IGSF3: variants seen among roughly 807,000 people sequenced by gnomAD.
IGSF3 encodes immunoglobulin superfamily member 3, also known as glu-Trp-Ile EWI motif-containing protein 3.
IGSF3 carries 23 observed loss-of-function variants against 114.4 expected under a neutral mutation model. The observed-to-expected ratio is 0.20, with a 90% CI of 0.14 to 0.28. The LOEUF is 0.28. IGSF3 is among the 10% of genes least tolerant of loss of function. The probability of loss-of-function intolerance (pLI) is 1.00; values close to 1 mark genes in which losing one functional copy is unlikely to be tolerated. For synonymous variants in IGSF3, 571 were observed against 645.2 expected, an observed-to-expected ratio of 0.88 and a Z score of 1.74; for missense variants, 1,172 against 1,591.5, an observed-to-expected ratio of 0.74 and a Z score of 4.48.
chr1:116,645,575 C>T (rs1442289417), intron 2 of IGSF3, among the ~76,000 whole-genome samples: 7 of 152,172 alleles, frequency 4.6e-5, no homozygotes, highest in African/African-American at 1.7e-4. Flanking sequence ...AAAGTAGTGG[C>T]CCATGCTGGC....
rs1326300794 is a variant in IGSF3 at position 116,583,811 on chromosome 1, T to A, written c.2848+834A>T. Among the ~76,000 whole-genome samples, 1 of 152,194 alleles carries A rather than the reference T, an allele frequency of 6.6e-6. No individual in the cohort carries two copies. The highest frequency in any genetic ancestry group is 2.4e-5 in the African/African-American group (1 of 41,450). On this transcript the variant is annotated intron_variant, in intron 9 of 10. Transcript: ENST00000369486. The surrounding 1 kb of genome is among the most constrained non-coding windows in gnomAD (Gnocchi z 4.5). ...AATGTGCAACAACAATTATACCTAGTAATTACATGCATTTAGATATTTAGA... is the reference window on the plus strand; with the variant it reads ...AATGTGCAACAACAATTATACCTAGAAATTACATGCATTTAGATATTTAGA...
chr1:116,659,859 A>G (rs1649037587), intron 2 of IGSF3, among the ~76,000 whole-genome samples: 1 of 152,156 alleles, frequency 6.6e-6, no homozygotes, highest in Non-Finnish European at 1.5e-5. Context: ...AGCTCAAGTG[A>G]TCCTCCTGCC....
At chr1:116,646,067 T>C (rs1191421916) in intron 2 of IGSF3, among the ~76,000 whole-genome samples, 1 of 152,238 alleles carries the variant, frequency 6.6e-6, no homozygotes, top group Admixed American at 6.5e-5. Flanking sequence ...TCTCACTTCC[T>C]CTACCCTAAT....
At chr1:116,660,899 C>T (rs1410171421) in intron 2 of IGSF3, among the ~76,000 whole-genome samples, 1 of 152,154 alleles carries the variant, frequency 6.6e-6, no homozygotes, top group African/African-American at 2.4e-5. Context: ...TTCCTTTGAA[C>T]ATAATTGTTT....
At chr1:116,586,240 T>C (rs1659838856) in intron 8 of IGSF3, among the ~76,000 whole-genome samples, 1 of 152,200 alleles carries the variant, frequency 6.6e-6, no homozygotes, top group African/African-American at 2.4e-5. Flanking sequence ...TCAGAAAATA[T>C]AAAATAACAA....
Position 116,604,028 on chromosome 1 carries a change from A to G in IGSF3, c.1223-3T>C, listed in dbSNP as rs529092711. 8.4e-5 allele frequency: 134 copies of G among 1,593,400 alleles called. No homozygotes were observed. The East Asian group carries it at 2.4e-3, about 28-fold the overall frequency. ...CACCTCCACGGAGATGCTGCTCTCTAGGAAGAGGGAGAGAGAAACACCCTG... is the reference window on the plus strand; with the variant it reads ...CACCTCCACGGAGATGCTGCTCTCTGGGAAGAGGGAGAGAGAAACACCCTG... On this transcript the variant is annotated splice_polypyrimidine_tract_variant and splice_region_variant and intron_variant, in intron 5 of 10. Coordinates refer to ENST00000369486, the MANE Select transcript of IGSF3 (RefSeq NM_001007237.3).
rs1228230366 is a variant in IGSF3 at position 116,647,488 on chromosome 1, A to G, written c.43+18796T>C. On this transcript the variant is annotated intron_variant, in intron 2 of 10. Transcript: ENST00000369486. This position sits in a 1 kb window ranked among gnomAD's most constrained non-coding sequence, Gnocchi z 4.6. ...GCTCTGCTCAACAATAATGACAACC[A>G]CCATTTATTGAGCCCTTACTATGTG... 6.6e-6 allele frequency among the ~76,000 whole-genome samples: 1 copy of G among 152,080 alleles called. No homozygotes were observed. Among genetic ancestry groups the G allele is most frequent in the African/African-American group, 2.4e-5 (1 of 41,398 alleles).
chr1:116,600,121 T>C lies in IGSF3; in HGVS notation c.1849A>G (p.Thr617Ala). 1.2e-6 allele frequency: 2 copies of C among 1,614,112 alleles called. No homozygotes were observed. Among genetic ancestry groups the C allele is most frequent in the Non-Finnish European group, 1.7e-6 (2 of 1,180,004 alleles). ...CTGGACTCAGCCTTCTCGATGGCAG[T>C]TCGGGTTCGGAAGCTGGAGGACCTG... The part of the protein sequence containing the change: ...GDRSSSFRTR[T>A]AIEKAESSNN... Residue 617 changes from threonine to alanine, a missense_variant, in exon 7 of 11, where the codon ACT becomes GCT. Coordinates refer to ENST00000369486, the MANE Select transcript of IGSF3 (RefSeq NM_001007237.3). This position sits in a 1 kb window ranked among gnomAD's most constrained non-coding sequence, Gnocchi z 5.5.
At chr1:116,641,656 C>T (rs1648110277) in intron 2 of IGSF3, among the ~76,000 whole-genome samples, 1 of 151,858 alleles carries the variant, frequency 6.6e-6, no homozygotes, top group Non-Finnish European at 1.5e-5. Flanking sequence ...GACAGCCGTT[C>T]AGAACAGGCA....
In IGSF3 at chr1:116,614,088, G is replaced by A; in HGVS notation, c.509C>T (p.Ala170Val). The A allele has an allele frequency of 6.2e-7, 1 of 1,614,074 alleles. No individual in the cohort carries two copies. The highest frequency in any genetic ancestry group is 8.5e-7 in the Non-Finnish European group (1 of 1,180,002). Residue 170 changes from alanine to valine, a missense_variant, in exon 4 of 11, where the codon GCC (alanine) becomes GTC (valine). Ala to Val is a moderately conservative substitution (Grantham distance 64). Transcript: ENST00000369486. This position sits in a 1 kb window ranked among gnomAD's most constrained non-coding sequence, Gnocchi z 4.5. ...GTGGCTGTGCTGAATGGTCTCTGAGGCCACCTCACAAGTGAGCTCCAGCGG... is the reference window on the plus strand; with the variant it reads ...GTGGCTGTGCTGAATGGTCTCTGAGACCACCTCACAAGTGAGCTCCAGCGG... ...QDPLELTCEV[A>V]SETIQHSHLS...
rs1197933206 is a variant in IGSF3 at position 116,584,106 on chromosome 1, T to C, written c.2848+539A>G. ...TGGGAGACTGAGGCAGGAGAATCAC[T>C]TGAATCTGGGAGGCGGAGGTTGCAG... On this transcript the variant is annotated intron_variant, in intron 9 of 10. Transcript: ENST00000369486. The surrounding 1 kb of genome is among the most constrained non-coding windows in gnomAD (Gnocchi z 5.8). 6.6e-6 allele frequency among the ~76,000 whole-genome samples: 1 copy of C among 152,016 alleles called. No homozygotes were observed. The highest frequency in any genetic ancestry group is 1.5e-5 in the Non-Finnish European group (1 of 68,014).
intron 2 of IGSF3, among the ~76,000 whole-genome samples, chr1:116,660,327 G>A (rs780546934): frequency 1.3e-5 from 2 of 151,994 alleles, no homozygotes; most frequent in Admixed American, 6.6e-5. Context: ...ACTTTACTTC[G>A]ATCTCTGCAG....
Position 116,645,244 on chromosome 1 carries a change from A to G in IGSF3, c.43+21040T>C, listed in dbSNP as rs1648308050. Reference sequence around the variant, plus strand: ...CAAAAGCACTGTGCTGAGTGAGAGAAGCCAGATTCAAAGGGCTACACACTG... The same window carrying G: ...CAAAAGCACTGTGCTGAGTGAGAGAGGCCAGATTCAAAGGGCTACACACTG... On this transcript the variant is annotated intron_variant, in intron 2 of 10. Transcript: ENST00000369486. Among the ~76,000 whole-genome samples the G allele has an allele frequency of 3.3e-5, 5 of 152,392 alleles. 1 individual carries two copies. In the South Asian group the frequency reaches 1.0e-3, roughly 32 times the overall value.
In IGSF3 at chr1:116,607,091, G is replaced by A. The variant is rs1451717884; in HGVS notation, c.1222+851C>T. Among the ~76,000 whole-genome samples, 1 of 152,206 alleles carries A rather than the reference G, an allele frequency of 6.6e-6. No homozygotes were observed. The highest frequency in any genetic ancestry group is 1.9e-4 in the East Asian group (1 of 5,202). On this transcript the variant is annotated intron_variant, in intron 5 of 10. Transcript: ENST00000369486. The surrounding 1 kb of genome is among the most constrained non-coding windows in gnomAD (Gnocchi z 6.1). ...AAGGCTCAGAGAAAGAATAGTTTGA[G>A]CAGCTGAGACAAGGTTAAAGGTTAG...
At position 116,585,061 on chromosome 1, in the gene IGSF3, G is replaced by T; in HGVS notation, c.2441-9C>A. 1 of 1,512,750 alleles carries T rather than the reference G, an allele frequency of 6.6e-7. No homozygotes were observed. The highest frequency in any genetic ancestry group is 1.4e-5 in the African/African-American group (1 of 71,958). The allele number at this position is 1,512,750 out of a possible 1,614,324, so 93.7% of individuals were successfully genotyped here. A position where few individuals can be genotyped will look rare whatever the true frequency, so the allele number is the denominator to read the frequency against. On this transcript the variant is annotated splice_polypyrimidine_tract_variant and intron_variant, in intron 8 of 10. Coordinates refer to ENST00000369486, the MANE Select transcript of IGSF3 (RefSeq NM_001007237.3). The surrounding 1 kb of genome is among the most constrained non-coding windows in gnomAD (Gnocchi z 4.9). ...GAGCCTCAGGCGGCTGTCTGGAACA[G>T]TAAGGAAGAGACGTCAGCGACAAAA... is the stretch of plus-strand genomic sequence containing the variant.
chr1:116,640,206 C>T (rs1488533704), intron 2 of IGSF3, among the ~76,000 whole-genome samples: 4 of 152,122 alleles, frequency 2.6e-5, no homozygotes, highest in Non-Finnish European at 5.9e-5. Flanking sequence ...TGGACAATTA[C>T]AGATTTTTCA....
intron 2 of IGSF3, among the ~76,000 whole-genome samples, chr1:116,631,089 C>T (rs1166857861): frequency 6.6e-6 from 1 of 151,810 alleles, no homozygotes; most frequent in Non-Finnish European, 1.5e-5. Context: ...GAGGCCGAGG[C>T]GGGTGGATCA....
rs777933958 is a variant in IGSF3 at position 116,616,249 on chromosome 1, G to A, written c.252C>T (p.Tyr84=). The change falls in exon 3 of 11, where the codon TAC becomes TAT. Residue 84 remains tyrosine (Y), a synonymous_variant. Transcript: ENST00000369486. The surrounding 1 kb of genome is among the most constrained non-coding windows in gnomAD (Gnocchi z 6.6). ...TCTTCCCTCCGCGGACGCGCTGGGT[G>A]TAGATGGCATAGGGGAAGGAAGAGT... ...TMDSSFPYAI[Y]TQRVRGGKIF... 3.4e-5 allele frequency: 55 copies of A among 1,612,326 alleles called. No individual in the cohort carries two copies. The South Asian group carries it at 3.8e-4, about 11-fold the overall frequency.
chr1:116,582,979 A>T lies in IGSF3; in HGVS notation c.2848+1666T>A, dbSNP rs142892665. ...TCCAGGCTTGCTCACAGGGTTGAAC[A>T]GGAGGCAGACACAAGGCTAACGGTT... On this transcript the variant is annotated intron_variant, in intron 9 of 10. Coordinates refer to ENST00000369486, the MANE Select transcript of IGSF3 (RefSeq NM_001007237.3). The surrounding 1 kb of genome is among the most constrained non-coding windows in gnomAD (Gnocchi z 4.7). Among the ~76,000 whole-genome samples, 27 of 152,362 alleles carry T rather than the reference A, an allele frequency of 1.8e-4. No homozygotes were observed. The East Asian group carries it at 4.2e-3, about 24-fold the overall frequency.
Sources: gnomAD v4.1 joint callset for allele counts (sites outside exome capture counted in the v4.1 genomes callset) on GRCh38, gnomAD v4.1.1 for gene constraint, Gnocchi (gnomAD v3.1) non-coding constraint, MANE v1.5 for transcripts, NCBI Gene and HGNC (gene_info 2026-07-23, HGNC 2026-07-21) for gene names.